Variants in MYT1L observed in about 807,000 individuals in gnomAD.
MYT1L encodes myelin transcription factor 1-like protein.
MYT1L carries 12 observed loss-of-function variants against 126.7 expected under a neutral mutation model. That is an observed-to-expected ratio of 0.09 (90% CI 0.06 to 0.15). MYT1L has a LOEUF of 0.15. MYT1L is among the 10% of genes least tolerant of loss of function. The probability of loss-of-function intolerance (pLI) is 1.00; values close to 1 mark genes in which losing one functional copy is unlikely to be tolerated. For missense variants in MYT1L, 979 were observed against 1,585.2 expected (o/e 0.62, Z 6.49); for synonymous variants, 541 against 604.2 (o/e 0.90, Z 1.53).
At chr2:2,015,247 G>C (rs2064253948) in intron 4 of MYT1L, among the ~76,000 whole-genome samples, 1 of 152,212 alleles carries the variant, frequency 6.6e-6, no homozygotes, top group African/African-American at 2.4e-5. Flanking sequence ...TGTTTCTGGG[G>C]ACTTAATTTG....
chr2:2,046,689 G>T (rs910506235), intron 4 of MYT1L, among the ~76,000 whole-genome samples: 1 of 152,176 alleles, frequency 6.6e-6, no homozygotes, highest in Non-Finnish European at 1.5e-5. Context: ...TCATGCTCTT[G>T]GCTTCTGCAC....
intron 4 of MYT1L, among the ~76,000 whole-genome samples, chr2:2,026,270 G>A (rs1285868502): frequency 1.3e-5 from 2 of 152,180 alleles, no homozygotes; most frequent in Non-Finnish European, 2.9e-5. Context: ...GGTGTGCGGG[G>A]GACGTGGGTG....
intron 2 of MYT1L, among the ~76,000 whole-genome samples, chr2:2,189,092 T>C (rs1231638378): frequency 6.6e-6 from 1 of 152,080 alleles, no homozygotes; most frequent in African/African-American, 2.4e-5. Flanking sequence ...TCCAGTGCAT[T>C]CTCCACACAG....
chr2:1,800,891 C>T (rs2034727588), intron 23 of MYT1L, among the ~76,000 whole-genome samples: 1 of 151,850 alleles, frequency 6.6e-6, no homozygotes, highest in Non-Finnish European at 1.5e-5. Flanking sequence ...GGGGAGGGGC[C>T]AGAATGGAGA....
Position 1,789,226 on chromosome 2 carries a change from C to T in MYT1L, c.*2641G>A, listed in dbSNP as rs2031602923. 6.6e-6 allele frequency: 1 copy of T among 152,160 alleles called. No individual in the cohort carries two copies. Among genetic ancestry groups the T allele is most frequent in the African/African-American group, 2.4e-5 (1 of 41,434 alleles). The allele number at this position is 152,160 out of a possible 1,614,324, so 9.4% of individuals were successfully genotyped here. A position where few individuals can be genotyped will look rare whatever the true frequency, so the allele number is the denominator to read the frequency against. ...AGTTCACAATTTAAAAATGAAGTATCACAGCAACTTGTGATTCCACACATT... is the reference window on the plus strand; with the variant it reads ...AGTTCACAATTTAAAAATGAAGTATTACAGCAACTTGTGATTCCACACATT... On this transcript the variant is annotated 3_prime_UTR_variant, in exon 25 of 25. Transcript: ENST00000647738.
At chr2:1,915,919 G>A (rs761931509) in intron 11 of MYT1L, among the ~76,000 whole-genome samples, 1 of 152,136 alleles carries the variant, frequency 6.6e-6, no homozygotes, top group Non-Finnish European at 1.5e-5. Context: ...CTGCAGTGTC[G>A]ATTGCGGGTT....
At chr2:2,003,968 T>C (rs575395701) in intron 4 of MYT1L, among the ~76,000 whole-genome samples, 2 of 151,470 alleles carry the variant, frequency 1.3e-5, no homozygotes, top group East Asian at 2.0e-4. Context: ...CGTTCTTTCC[T>C]GCAGGCATTC....
intron 3 of MYT1L, among the ~76,000 whole-genome samples, chr2:2,122,222 C>T (rs1327804058): frequency 6.6e-6 from 1 of 152,150 alleles, no homozygotes; most frequent in African/African-American, 2.4e-5. Flanking sequence ...AGTCTGAGTG[C>T]TACTTCTTCC....
intron 3 of MYT1L, among the ~76,000 whole-genome samples, chr2:2,101,370 C>T (rs555710698): frequency 6.6e-6 from 1 of 152,160 alleles, no homozygotes; most frequent in African/African-American, 2.4e-5. Context: ...CCTTTGGAAC[C>T]CCATTAAAAT....
At chr2:1,954,854 C>T (rs2058197999) in intron 8 of MYT1L, among the ~76,000 whole-genome samples, 1 of 151,456 alleles carries the variant, frequency 6.6e-6, no homozygotes, top group Admixed American at 6.6e-5. Flanking sequence ...CACCTGAGGT[C>T]AGATGTTTGA....
At chr2:2,147,329 T>C (rs1042309328) in intron 3 of MYT1L, among the ~76,000 whole-genome samples, 6 of 152,228 alleles carry the variant, frequency 3.9e-5, no homozygotes, top group Non-Finnish European at 8.8e-5. Context: ...TATGCCACTC[T>C]GCATGGCTGA....
chr2:2,015,297 A>G (rs1450430634), intron 4 of MYT1L, among the ~76,000 whole-genome samples: 1 of 152,222 alleles, frequency 6.6e-6, no homozygotes, highest in African/African-American at 2.4e-5. Flanking sequence ...GTGCAGGCGC[A>G]GCATGCAGGA....
At chr2:1,824,711 G>A (rs896351820) in intron 21 of MYT1L, 1 of 151,432 alleles carries the variant, frequency 6.6e-6, no homozygotes. Flanking sequence ...GCAGTATCCC[G>A]GCTGATGCAT....
At chr2:2,262,436 T>C (rs1159105293) in intron 2 of MYT1L, among the ~76,000 whole-genome samples, 3 of 151,700 alleles carry the variant, frequency 2.0e-5, no homozygotes, top group Non-Finnish European at 4.4e-5. Context: ...CTCACGCCTG[T>C]AATCCCAGCA....
At chr2:1,980,733 CAT>C (rs1245185863) in intron 5 of MYT1L, among the ~76,000 whole-genome samples, 6 of 152,282 alleles carry the variant, frequency 3.9e-5, no homozygotes, top group Admixed American at 1.3e-4. Context: ...CCAAAAATCA[CAT>C]GTCTGTCTTT....
chr2:2,031,310 C>T (rs1379477263), intron 4 of MYT1L, among the ~76,000 whole-genome samples: 1 of 152,206 alleles, frequency 6.6e-6, no homozygotes, highest in East Asian at 1.9e-4. Context: ...GTCTAGTTAA[C>T]TGGAGAGATG....
At chr2:2,282,027 CAG>C (rs2095454623) in intron 2 of MYT1L, among the ~76,000 whole-genome samples, 1 of 152,192 alleles carries the variant, frequency 6.6e-6, no homozygotes, top group East Asian at 1.9e-4. Context: ...TCGAAATTCT[CAG>C]AGTTACACAT....
At chr2:2,275,790 T>C (rs918505984) in intron 2 of MYT1L, among the ~76,000 whole-genome samples, 2 of 152,216 alleles carry the variant, frequency 1.3e-5, no homozygotes, top group African/African-American at 4.8e-5. Context: ...CCCAGCCTCA[T>C]GTCAGCCCAT....
chr2:1,829,936 C>A (rs534505035), intron 21 of MYT1L, among the ~76,000 whole-genome samples: 1 of 152,336 alleles, frequency 6.6e-6, no homozygotes, highest in South Asian at 2.1e-4. Flanking sequence ...AGACTTAAAT[C>A]TCCTCTTATA....
Sources: gnomAD v4.1 joint callset for allele counts (sites outside exome capture counted in the v4.1 genomes callset) on GRCh38, gnomAD v4.1.1 for gene constraint, MANE v1.5 for transcripts, NCBI Gene and HGNC (gene_info 2026-07-23, HGNC 2026-07-21) for gene names.